Variants in CCBE1 observed in about 807,000 individuals in gnomAD.
The protein encoded by CCBE1 is collagen and calcium binding EGF domains 1, also known as collagen and calcium-binding EGF domain-containing protein 1.
CCBE1 carries 37 observed loss-of-function variants against 50.0 expected under a neutral mutation model. The ratio of observed to expected loss-of-function variants is 0.74; its 90% CI spans 0.57 to 0.97. The LOEUF is 0.97. Among genes scored for constraint, CCBE1 ranks in the 50% least tolerant of loss-of-function variants. The probability of loss-of-function intolerance (pLI) is 0.00; values close to 1 mark genes in which losing one functional copy is unlikely to be tolerated. For missense variants in CCBE1, 538 were observed against 523.8 expected, an observed-to-expected ratio of 1.03 and a Z score of -0.26; for synonymous variants, 234 against 203.7, an observed-to-expected ratio of 1.15 and a Z score of -1.27.
intron 6 of CCBE1, among the ~76,000 whole-genome samples, chr18:59,453,490 A>T (rs1203786213): frequency 6.6e-6 from 1 of 152,204 alleles, no homozygotes; most frequent in African/African-American, 2.4e-5. Flanking sequence ...ATAACTATCC[A>T]TCAGATATAT....
intron 2 of CCBE1, among the ~76,000 whole-genome samples, chr18:59,550,372 C>G (rs1298147030): frequency 6.6e-6 from 1 of 152,236 alleles, no homozygotes. Flanking sequence ...CAGAGGCAAT[C>G]TAGCCTCAAA....
At chr18:59,694,489 A>G (rs987426286) in intron 2 of CCBE1, among the ~76,000 whole-genome samples, 9 of 152,222 alleles carry the variant, frequency 5.9e-5, no homozygotes, top group African/African-American at 2.2e-4. Context: ...ATAGGTCTGC[A>G]TGCGTCCTGG....
chr18:59,609,830 C>A (rs1392549870), intron 2 of CCBE1, among the ~76,000 whole-genome samples: 2 of 152,172 alleles, frequency 1.3e-5, no homozygotes, highest in Admixed American at 1.3e-4. Flanking sequence ...CAAGTAATGA[C>A]CCAGTTATTT....
At chr18:59,619,180 C>T (rs1317141915) in intron 2 of CCBE1, among the ~76,000 whole-genome samples, 1 of 152,166 alleles carries the variant, frequency 6.6e-6, no homozygotes. Context: ...TACATGTTTA[C>T]TTGAATGCTA....
intron 2 of CCBE1, among the ~76,000 whole-genome samples, chr18:59,644,681 T>C (rs1295184544): frequency 1.3e-5 from 2 of 152,218 alleles, no homozygotes; most frequent in Admixed American, 1.3e-4. Context: ...TGGGGAAATG[T>C]CTGTGTGTAC....
rs529725643 is a variant in CCBE1 at position 59,696,791 on chromosome 18, G to T, written c.132-82C>A. On this transcript the variant is annotated intron_variant, in intron 1 of 10. Coordinates refer to ENST00000439986, the MANE Select transcript of CCBE1 (RefSeq NM_133459.4). ...GCGCGCGCTGGGGAATCCCTGGCGC[G>T]TGGGGATCGCCAGGCTCCCCGTCCC... The T allele has an allele frequency of 6.9e-6, 10 of 1,443,090 alleles. No homozygotes were observed. The South Asian group carries it at 9.2e-5, about 13-fold the overall frequency. The allele number at this position is 1,443,090 out of a possible 1,614,324, so 89.4% of individuals were successfully genotyped here.
chr18:59,505,813 T>TG lies in CCBE1; in HGVS notation c.213-25576_213-25575insC, dbSNP rs1568176199. 1.8e-4 allele frequency among the ~76,000 whole-genome samples: 28 copies of TG among 152,172 alleles called. 1 individual carries two copies. The highest frequency in any genetic ancestry group is 7.3e-5 in the Non-Finnish European group (5 of 68,032). On this transcript the variant is annotated intron_variant, in intron 2 of 10. Coordinates refer to ENST00000439986, the MANE Select transcript of CCBE1 (RefSeq NM_133459.4). ...AAGTTCATGCTTACACAGGTTTGTA[T>TG]AGGGGGTAAGAAACTTACTAAAGGG...
chr18:59,611,983 C>T (rs2053575309), intron 2 of CCBE1, among the ~76,000 whole-genome samples: 1 of 152,172 alleles, frequency 6.6e-6, no homozygotes, highest in East Asian at 1.9e-4. Context: ...TCAGAAGTGA[C>T]ATGCTGCTGG....
intron 2 of CCBE1, among the ~76,000 whole-genome samples, chr18:59,499,127 C>T (rs1308517631): frequency 2.0e-5 from 3 of 152,190 alleles, no homozygotes; most frequent in Non-Finnish European, 4.4e-5. Flanking sequence ...TCATTTAATT[C>T]TAGGGAACAG....
chr18:59,540,429 C>T (rs958694292), intron 2 of CCBE1, among the ~76,000 whole-genome samples: 1 of 152,154 alleles, frequency 6.6e-6, no homozygotes, highest in African/African-American at 2.4e-5. Context: ...AAGCTGAGCC[C>T]ATGTGTCCAT....
At chr18:59,601,017 T>TG (rs2053422192) in intron 2 of CCBE1, among the ~76,000 whole-genome samples, 1 of 49,318 alleles carries the variant, frequency 2.0e-5, no homozygotes, top group African/African-American at 1.2e-4. Context: ...TCAGTTTTTT[T>TG]TTTTTTTTTT....
chr18:59,479,673 T>C (rs1465584281), intron 3 of CCBE1, among the ~76,000 whole-genome samples: 1 of 152,228 alleles, frequency 6.6e-6, no homozygotes, highest in Non-Finnish European at 1.5e-5. Flanking sequence ...TCTCTCTGAT[T>C]CTATCTGCTC....
chr18:59,634,024 G>A (rs1192260986), intron 2 of CCBE1, among the ~76,000 whole-genome samples: 1 of 152,178 alleles, frequency 6.6e-6, no homozygotes, highest in Non-Finnish European at 1.5e-5. Context: ...TGAGGAAGAA[G>A]TGAAGGACTT....
chr18:59,446,127 C>T (rs923430656), intron 7 of CCBE1, among the ~76,000 whole-genome samples: 9 of 152,174 alleles, frequency 5.9e-5, no homozygotes, highest in African/African-American at 1.4e-4. Context: ...ATTCAAAGGC[C>T]GGGTCTGTTG....
chr18:59,501,720 G>C (rs917693500), intron 2 of CCBE1, among the ~76,000 whole-genome samples: 1 of 152,194 alleles, frequency 6.6e-6, no homozygotes, highest in Non-Finnish European at 1.5e-5. Flanking sequence ...CTGCAGGCTA[G>C]AGTCCACTAG....
chr18:59,612,843 TTTTTG>T (rs1252770624), intron 2 of CCBE1, among the ~76,000 whole-genome samples: 2 of 53,194 alleles, frequency 3.8e-5, no homozygotes, highest in African/African-American at 1.2e-4. Flanking sequence ...TTTGTTTTTG[TTTTTG>T]TTTTTTTTAA....
At chr18:59,480,831 A>G (rs2143772921) in intron 2 of CCBE1, among the ~76,000 whole-genome samples, 1 of 152,254 alleles carries the variant, frequency 6.6e-6, no homozygotes, top group East Asian at 1.9e-4. Context: ...TATAGCAAAC[A>G]GGTCATTCCT....
intron 2 of CCBE1, among the ~76,000 whole-genome samples, chr18:59,591,029 G>T (rs2053258825): frequency 3.0e-5 from 1 of 33,448 alleles, no homozygotes; most frequent in Admixed American, 3.0e-4. Flanking sequence ...TGGATCACGA[G>T]GTCAGGAGAT....
chr18:59,512,645 C>T (rs1410522392), intron 2 of CCBE1, among the ~76,000 whole-genome samples: 1 of 152,248 alleles, frequency 6.6e-6, no homozygotes, highest in African/African-American at 2.4e-5. Context: ...AGGAAAGACC[C>T]CATAGTGGGG....
Sources: allele counts gnomAD v4.1 joint callset (sites outside exome capture counted in the v4.1 genomes callset), GRCh38; gene constraint gnomAD v4.1.1; transcripts MANE v1.5; gene names NCBI Gene and HGNC (gene_info 2026-07-23, HGNC 2026-07-21).